The following VAV2 variants were observed in gnomAD, a reference collection of about 807,000 sequenced individuals.
VAV2 encodes vav guanine nucleotide exchange factor 2, also known as guanine nucleotide exchange factor VAV2.
In VAV2, 67 loss-of-function variants were observed where a neutral mutation model predicts 132.5. The ratio of observed to expected loss-of-function variants is 0.51; its 90% confidence interval spans 0.42 to 0.62. The LOEUF is 0.62. Ranked by LOEUF, VAV2 falls within the 20% of genes least tolerant of loss-of-function variation. The probability of loss-of-function intolerance (pLI) is 0.00; values close to 1 mark genes in which losing one functional copy is unlikely to be tolerated. For missense variants in VAV2, 938 were observed against 1,153.6 expected, an observed-to-expected ratio of 0.81 and a Z score of 2.71; for synonymous variants, 492 against 443.5, an observed-to-expected ratio of 1.11 and a Z score of -1.37.
intron 26 of VAV2, 78 bp from the exon 27 acceptor site, chr9:133,770,579 C>T: frequency 1.9e-6 from 3 of 1,580,640 alleles, no homozygotes; most frequent in Non-Finnish European, 1.7e-6. Flanking sequence ...CTCCCTCTCC[C>T]ACCTCTTGGT....
intron 1 of VAV2, among the ~76,000 whole-genome samples, chr9:133,982,936 A>G (rs1842743687): frequency 6.6e-6 from 1 of 152,206 alleles, no homozygotes; most frequent in Admixed American, 6.5e-5. Context: ...AGAGTTGCGT[A>G]GTCGTGACAG....
chr9:133,903,078 G>GGAA (rs1199206016), intron 2 of VAV2, among the ~76,000 whole-genome samples: 1 of 105,372 alleles, frequency 9.5e-6, no homozygotes, highest in African/African-American at 3.5e-5. Context: ...CCTGCCCCAG[G>GGAA]AAAAAAAAAA....
chr9:133,805,149 C>T (rs983230442), intron 9 of VAV2, among the ~76,000 whole-genome samples: 3 of 152,084 alleles, frequency 2.0e-5, no homozygotes, highest in Non-Finnish European at 2.9e-5. Context: ...TGCAGGGGAC[C>T]CTCCTAGAGA....
At chr9:133,818,850 T>C (rs372179763) in intron 4 of VAV2, among the ~76,000 whole-genome samples, 8 of 152,170 alleles carry the variant, frequency 5.3e-5, no homozygotes, top group Non-Finnish European at 7.3e-5. Flanking sequence ...CGAGATGCTA[T>C]GAACGATACT....
intron 2 of VAV2, among the ~76,000 whole-genome samples, chr9:133,888,717 A>G (rs1316296459): frequency 6.6e-6 from 1 of 152,204 alleles, no homozygotes; most frequent in African/African-American, 2.4e-5. Flanking sequence ...CTCCACCCCA[A>G]TTAGTATCAT....
chr9:133,811,528 C>G (rs762129778), intron 5 of VAV2, among the ~76,000 whole-genome samples: 10 of 152,254 alleles, frequency 6.6e-5, no homozygotes, highest in African/African-American at 9.6e-5. Context: ...CTCATTCCAG[C>G]TCCGCTGGAT....
At chr9:133,882,167 G>A (rs1016090305) in intron 2 of VAV2, among the ~76,000 whole-genome samples, 7 of 152,236 alleles carry the variant, frequency 4.6e-5, no homozygotes, top group East Asian at 3.8e-4. Context: ...CAGAGCTCTC[G>A]GAGATTCCAG....
chr9:133,942,325 C>G (rs908038238), intron 1 of VAV2, among the ~76,000 whole-genome samples: 1 of 152,322 alleles, frequency 6.6e-6, no homozygotes, highest in South Asian at 2.1e-4. Context: ...GTGGGACGGG[C>G]TCTCCTCCGT....
intron 2 of VAV2, among the ~76,000 whole-genome samples, chr9:133,875,584 C>T (rs1371212897): frequency 6.6e-6 from 1 of 152,244 alleles, no homozygotes; most frequent in Non-Finnish European, 1.5e-5. Context: ...GAGGCACAGA[C>T]TGCCCGGCAC....
chr9:133,989,035 C>T (rs985204206), intron 1 of VAV2, among the ~76,000 whole-genome samples: 2 of 151,684 alleles, frequency 1.3e-5, no homozygotes, highest in African/African-American at 4.8e-5. Context: ...CACGGTAAAA[C>T]CCCGTCTCTA....
chr9:133,906,757 G>A (rs992376329), intron 2 of VAV2, among the ~76,000 whole-genome samples: 5 of 152,214 alleles, frequency 3.3e-5, no homozygotes, highest in Admixed American at 1.3e-4. Context: ...ACCCAGTGGC[G>A]CCTGGAGAGC....
At chr9:133,875,721 C>A (rs1222362796) in intron 2 of VAV2, among the ~76,000 whole-genome samples, 1 of 152,216 alleles carries the variant, frequency 6.6e-6, no homozygotes, top group Non-Finnish European at 1.5e-5. Context: ...TCCCCTCTAG[C>A]ACAAGAGGCT....
intron 2 of VAV2, 88 bp from the exon 3 acceptor site, chr9:133,861,520 C>T (rs1446347269): frequency 5.5e-6 from 8 of 1,460,586 alleles, no homozygotes; most frequent in Non-Finnish European, 7.5e-6. Flanking sequence ...TGCAGGACGT[C>T]GAGAACTGTT....
At chr9:133,988,760 A>G (rs1842930516) in intron 1 of VAV2, among the ~76,000 whole-genome samples, 1 of 152,142 alleles carries the variant, frequency 6.6e-6, no homozygotes, top group African/African-American at 2.4e-5. Flanking sequence ...CGTCTCTACT[A>G]AAAATACAAA....
intron 2 of VAV2, among the ~76,000 whole-genome samples, chr9:133,882,574 T>C (rs1838541341): frequency 6.6e-6 from 1 of 152,142 alleles, no homozygotes; most frequent in Admixed American, 6.5e-5. Context: ...CCATGTGAAG[T>C]CAGATCCCCA....
intron 17 of VAV2, among the ~76,000 whole-genome samples, chr9:133,785,364 T>C (rs1238988850): frequency 6.6e-6 from 1 of 152,214 alleles, no homozygotes; most frequent in African/African-American, 2.4e-5. Context: ...AAAATAGTTC[T>C]GTGGCTTCAA....
intron 1 of VAV2, among the ~76,000 whole-genome samples, chr9:133,945,387 G>A (rs541535759): frequency 6.6e-6 from 1 of 152,316 alleles, no homozygotes; most frequent in Admixed American, 6.5e-5. Flanking sequence ...CAGAGAGGAG[G>A]GGGCTGACCT....
At chr9:133,965,142 T>C (rs1012797873) in intron 1 of VAV2, among the ~76,000 whole-genome samples, 5 of 151,536 alleles carry the variant, frequency 3.3e-5, no homozygotes, top group African/African-American at 9.7e-5. Context: ...AATTAACATA[T>C]AGAAAACAGT....
chr9:133,769,349 T>C lies in VAV2; in HGVS notation c.2434+68A>G. The C allele has an allele frequency of 6.7e-7, 1 of 1,499,816 alleles. No individual in the cohort carries two copies. Among genetic ancestry groups the C allele is most frequent in the Non-Finnish European group, 9.0e-7 (1 of 1,107,436 alleles). 92.9% of individuals were successfully genotyped at this position (1,499,816 alleles called of 1,614,324 possible). A position where few individuals can be genotyped will look rare whatever the true frequency, so the allele number is the denominator to read the frequency against. Reference sequence around the variant, plus strand: ...CAGGGCTGTGGGGCCAGTGGGCAGCTCCGTGCTGGGTCTCCCAAGGCAGCT... The same window carrying C: ...CAGGGCTGTGGGGCCAGTGGGCAGCCCCGTGCTGGGTCTCCCAAGGCAGCT... On this transcript the variant is annotated intron_variant, in intron 28 of 29. Coordinates refer to ENST00000371850, the MANE Select transcript of VAV2 (RefSeq NM_001134398.2). The surrounding 1 kb of genome is among the most constrained non-coding windows in gnomAD (Gnocchi z 8.1).
Sources: gnomAD v4.1 joint callset for allele counts (sites outside exome capture counted in the v4.1 genomes callset) on GRCh38, gnomAD v4.1.1 for gene constraint, Gnocchi (gnomAD v3.1) non-coding constraint, MANE v1.5 for transcripts, NCBI Gene and HGNC (gene_info 2026-07-23, HGNC 2026-07-21) for gene names.